Variants in SHANK2 observed in about 807,000 individuals in gnomAD.
SHANK2 encodes the protein SH3 and multiple ankyrin repeat domains protein 2.
Under a neutral mutation model 133.7 loss-of-function variants are expected in SHANK2, and 43 were observed. That is an observed-to-expected ratio of 0.32 (90% CI 0.25 to 0.41). The LOEUF (loss-of-function observed/expected upper bound fraction) is 0.41. Among genes scored for constraint, SHANK2 ranks in the 10% least tolerant of loss-of-function variants. SHANK2 has a pLI of 1.00. For synonymous variants in SHANK2, 1,017 were observed against 952.8 expected (o/e 1.07, Z -1.24); for missense variants, 1,994 against 2,235.8 (o/e 0.89, Z 2.18).
intron 11 of SHANK2, among the ~76,000 whole-genome samples, chr11:70,879,413 A>G (rs1269578958): frequency 1.3e-5 from 2 of 152,188 alleles, no homozygotes; most frequent in Non-Finnish European, 2.9e-5. Flanking sequence ...TCTCTGTCTG[A>G]ATTCGGGCTC....
intron 9 of SHANK2, among the ~76,000 whole-genome samples, chr11:71,066,950 T>C (rs1951070441): frequency 6.6e-6 from 1 of 152,128 alleles, no homozygotes; most frequent in Non-Finnish European, 1.5e-5. Flanking sequence ...CCCCAGTCAG[T>C]GGGTTACAGG....
At chr11:71,203,318 T>G (rs868980101) in intron 2 of SHANK2, among the ~76,000 whole-genome samples, 5 of 152,124 alleles carry the variant, frequency 3.3e-5, no homozygotes, top group Admixed American at 6.6e-5. Flanking sequence ...AACCCCTATT[T>G]CAACAAGAAA....
At chr11:70,821,946 C>G (rs193231314) in intron 11 of SHANK2, among the ~76,000 whole-genome samples, 95 of 152,266 alleles carry the variant, frequency 6.2e-4, no homozygotes, top group African/African-American at 2.0e-3. Context: ...TCTCCTCACT[C>G]AATGAGACCA....
intron 17 of SHANK2, among the ~76,000 whole-genome samples, chr11:70,617,018 C>T (rs1391054506): frequency 6.6e-6 from 1 of 151,460 alleles, no homozygotes; most frequent in Non-Finnish European, 1.5e-5. Flanking sequence ...TGAGTGTGTG[C>T]CTATGAGCGT....
rs782169879 is a variant in SHANK2 at position 70,487,870 on chromosome 11, G to C, written c.2573-150C>G. On this transcript the variant is annotated intron_variant, in intron 24 of 25. Coordinates refer to ENST00000601538, the MANE Select transcript of SHANK2 (RefSeq NM_012309.5). The surrounding 1 kb of genome is among the most constrained non-coding windows in gnomAD (Gnocchi z 5.8). The stretch of plus-strand genomic sequence containing the variant: ...AACACAGCACAAGCCACGATGCCGA[G>C]TGGTTAGTCACATGGCCCGTCGTGA... 2.5e-4 allele frequency: 366 copies of C among 1,480,368 alleles called. 3 individuals are homozygous for C. The highest frequency in any genetic ancestry group is 7.0e-5 in the African/African-American group (5 of 71,718). The allele number at this position is 1,480,368 out of a possible 1,614,324, so 91.7% of individuals were successfully genotyped here. A position where few individuals can be genotyped will look rare whatever the true frequency, so the allele number is the denominator to read the frequency against.
chr11:70,672,117 G>A (rs1944824221), intron 15 of SHANK2, among the ~76,000 whole-genome samples: 1 of 145,814 alleles, frequency 6.9e-6, no homozygotes, highest in Non-Finnish European at 1.5e-5. Context: ...AGGCTGGAGT[G>A]CAGTGGCGCG....
At chr11:70,894,256 C>T (rs1455465326) in intron 11 of SHANK2, among the ~76,000 whole-genome samples, 4 of 152,106 alleles carry the variant, frequency 2.6e-5, no homozygotes, top group Middle Eastern at 3.2e-3. Context: ...AGTGCAGTCT[C>T]GGCTCACTGC....
intron 10 of SHANK2, among the ~76,000 whole-genome samples, chr11:70,920,252 TATGTATGC>T (rs1208996239): frequency 3.9e-5 from 6 of 152,200 alleles, no homozygotes; most frequent in Non-Finnish European, 5.9e-5. Flanking sequence ...AAATATTATG[TATGTATGC>T]ATGTATGCAT....
chr11:70,776,979 A>G (rs1443797671), intron 14 of SHANK2, among the ~76,000 whole-genome samples: 2 of 150,212 alleles, frequency 1.3e-5, no homozygotes, highest in African/African-American at 2.5e-5. Context: ...CCATTTATCC[A>G]TCTACTCAGC....
At chr11:70,524,414 A>G (rs1478173990) in intron 17 of SHANK2, among the ~76,000 whole-genome samples, 1 of 152,222 alleles carries the variant, frequency 6.6e-6, no homozygotes, top group African/African-American at 2.4e-5. Flanking sequence ...GCTGTTCCCA[A>G]TGTGCTATCT....
chr11:71,161,861 A>C (rs1953025912), intron 2 of SHANK2, among the ~76,000 whole-genome samples: 1 of 152,264 alleles, frequency 6.6e-6, no homozygotes, highest in Non-Finnish European at 1.5e-5. Flanking sequence ...CTCAGAATAA[A>C]CCTCTTTAAA....
intron 10 of SHANK2, among the ~76,000 whole-genome samples, chr11:70,947,500 G>A (rs1037343293): frequency 1.3e-5 from 2 of 152,002 alleles, no homozygotes; most frequent in South Asian, 4.2e-4. Flanking sequence ...TTACAGGCAT[G>A]TGCCACCACC....
chr11:70,949,595 G>A (rs1223466297), intron 10 of SHANK2, among the ~76,000 whole-genome samples: 1 of 152,194 alleles, frequency 6.6e-6, no homozygotes, highest in Non-Finnish European at 1.5e-5. Context: ...CTCCAGACTA[G>A]GGCACCAAGC....
chr11:71,110,832 C>T (rs1447749905), intron 5 of SHANK2, among the ~76,000 whole-genome samples: 5 of 152,240 alleles, frequency 3.3e-5, no homozygotes, highest in Admixed American at 2.6e-4. Flanking sequence ...ACGTGTGTGT[C>T]CCCGCAAAAT....
chr11:70,661,738 C>T (rs782361805), intron 15 of SHANK2, 60 bp from the exon 16 acceptor site: 6 of 1,614,000 alleles, frequency 3.7e-6, no homozygotes, highest in African/African-American at 2.7e-5. Context: ...TCACCGCGGC[C>T]GCTCCTCCGC....
chr11:71,194,559 C>T (rs1290695656), intron 2 of SHANK2, among the ~76,000 whole-genome samples: 1 of 152,206 alleles, frequency 6.6e-6, no homozygotes, highest in East Asian at 1.9e-4. Flanking sequence ...CAGGTCCAGA[C>T]AGACACAGAG....
chr11:71,190,238 C>G (rs1555115153), intron 2 of SHANK2, among the ~76,000 whole-genome samples: 1 of 152,190 alleles, frequency 6.6e-6, no homozygotes, highest in African/African-American at 2.4e-5. Flanking sequence ...ATGGCCTTGC[C>G]CCTTTGGAGC....
At chr11:70,949,925 T>C (rs943502587) in intron 10 of SHANK2, among the ~76,000 whole-genome samples, 1 of 152,226 alleles carries the variant, frequency 6.6e-6, no homozygotes, top group Non-Finnish European at 1.5e-5. Flanking sequence ...CAGAAATCTA[T>C]GGCTCACAGC....
At chr11:70,568,521 C>G (rs1426059181) in intron 17 of SHANK2, among the ~76,000 whole-genome samples, 1 of 152,134 alleles carries the variant, frequency 6.6e-6, no homozygotes. Context: ...GGAACTTATT[C>G]TTGGTGGAGC....
Sources: allele counts gnomAD v4.1 joint callset (sites outside exome capture counted in the v4.1 genomes callset), GRCh38; gene constraint gnomAD v4.1.1; non-coding constraint Gnocchi (gnomAD v3.1); transcripts MANE v1.5; gene names NCBI Gene and HGNC (gene_info 2026-07-23, HGNC 2026-07-21).